INTS6: variants seen among roughly 807,000 people sequenced by gnomAD.
The protein encoded by INTS6 is DEAD box protein.
In INTS6, 16 loss-of-function variants were observed where a neutral mutation model predicts 104.9. The ratio of observed to expected loss-of-function variants is 0.15; its 90% CI spans 0.10 to 0.23. The LOEUF is 0.23. INTS6 is among the 10% of genes least tolerant of loss of function. The pLI is 1.00. For synonymous variants in INTS6, 324 were observed against 358.7 expected (o/e 0.90, Z 1.09); for missense variants, 584 against 1,062.8 (o/e 0.55, Z 6.26).
At chr13:51,370,881 T>C (rs1955790134) in intron 15 of INTS6, among the ~76,000 whole-genome samples, 1 of 152,128 alleles carries the variant, frequency 6.6e-6, no homozygotes, top group Non-Finnish European at 1.5e-5. Flanking sequence ...GAATGGATCT[T>C]TGGGTTAGCC....
intron 4 of INTS6, among the ~76,000 whole-genome samples, chr13:51,411,007 T>A (rs2138031725): frequency 6.6e-6 from 1 of 151,574 alleles, no homozygotes; most frequent in African/African-American, 2.4e-5. Context: ...AGGTCAGGAG[T>A]TTGAGACCAG....
chr13:51,345,859 A>G, the INTS6 span, among the ~76,000 whole-genome samples: 1 of 152,196 alleles, frequency 6.6e-6, no homozygotes, highest in Admixed American at 6.5e-5. Flanking sequence ...TCCTCTAAGA[A>G]AAAGGGGCAG....
chr13:51,404,103 C>CACACACAG (rs1491389220), intron 4 of INTS6, among the ~76,000 whole-genome samples: 3,952 of 103,548 alleles, frequency 0.038, 96 homozygotes, highest in African/African-American at 0.065. Flanking sequence ...CACACACACA[C>CACACACAG]AGAGAGAGAG....
intron 4 of INTS6, among the ~76,000 whole-genome samples, chr13:51,430,016 T>C (rs1957063102): frequency 6.6e-6 from 1 of 151,854 alleles, no homozygotes; most frequent in South Asian, 2.1e-4. Flanking sequence ...GGAATTCATT[T>C]TACTATTTAT....
chr13:51,347,057 C>T, the INTS6 span: 1 of 1,594,770 alleles, frequency 6.3e-7, no homozygotes, highest in Non-Finnish European at 8.5e-7. Flanking sequence ...TGGTGGCTGG[C>T]CGTGGGAGCA....
In INTS6 at chr13:51,374,226, G is replaced by T. The variant is rs918915907; in HGVS notation, c.2086C>A (p.Pro696Thr). The T allele has an allele frequency of 6.2e-7, 1 of 1,613,236 alleles. No homozygotes were observed. Among genetic ancestry groups the T allele is most frequent in the Non-Finnish European group, 8.5e-7 (1 of 1,179,348 alleles). The change falls in exon 15 of 18, where the codon CCT becomes ACT. Residue 696 changes from proline to threonine, a missense_variant. By Grantham distance (38) the Pro-to-Thr change is conservative. Transcript: ENST00000311234. ...TTCTTACTTTTATGAAGAGGAAGAG[G>T]TTTAATAAGATCTGGCTGTGCTTGA... ...TTQAQPDLIK[P>T]LPLHKISETT...
downstream of INTS6, among the ~76,000 whole-genome samples, chr13:51,351,023 C>T (rs1252514845): frequency 6.6e-6 from 1 of 152,036 alleles, no homozygotes; most frequent in African/African-American, 2.4e-5. Flanking sequence ...TGATATAGTA[C>T]ATTTTGTTTA....
chr13:51,383,159 A>G (rs1356149722), intron 9 of INTS6, among the ~76,000 whole-genome samples, 170 bp downstream of exon 9: 1 of 148,618 alleles, frequency 6.7e-6, no homozygotes, highest in South Asian at 2.2e-4. Flanking sequence ...TCATCTTTTA[A>G]TTTACTGTAA....
chr13:51,393,982 T>A lies in INTS6; in HGVS notation c.613+1318A>T, dbSNP rs374193931. 8.5e-5 allele frequency among the ~76,000 whole-genome samples: 13 copies of A among 152,078 alleles called. No homozygotes were observed. In the South Asian group the frequency reaches 2.7e-3, roughly 32 times the overall value. On this transcript the variant is annotated intron_variant, in intron 5 of 17. Transcript: ENST00000311234. Reference sequence around the variant, plus strand: ...AGGAATTTCCAATGTGAGAATGTTATAGCCTCCAAGCCTTTCAGAACCTGT... The same window carrying A: ...AGGAATTTCCAATGTGAGAATGTTAAAGCCTCCAAGCCTTTCAGAACCTGT...
intron 4 of INTS6, among the ~76,000 whole-genome samples, chr13:51,412,361 T>C (rs1956704056): frequency 6.6e-6 from 1 of 152,194 alleles, no homozygotes; most frequent in African/African-American, 2.4e-5. Flanking sequence ...GTGAGTGTCA[T>C]GTATTTAGTA....
At chr13:51,441,608 T>C (rs552321600) in intron 3 of INTS6, 4 of 152,152 alleles carry the variant, frequency 2.6e-5, no homozygotes, top group Non-Finnish European at 5.9e-5. Context: ...GTAACCCTAA[T>C]ACTGGTTGGC....
At chr13:51,414,596 G>A (rs1478436366) in intron 4 of INTS6, among the ~76,000 whole-genome samples, 1 of 151,900 alleles carries the variant, frequency 6.6e-6, no homozygotes, top group Admixed American at 6.6e-5. Context: ...AGATTTGCTT[G>A]GATAATGTAG....
the INTS6 span, among the ~76,000 whole-genome samples, chr13:51,337,126 C>T: frequency 0.016 from 2,369 of 152,350 alleles, 27 homozygotes; most frequent in Non-Finnish European, 0.026. Context: ...TAACAGTGCC[C>T]ATGTCTTCCT....
At chr13:51,403,629 T>G (rs1956490715) in intron 4 of INTS6, among the ~76,000 whole-genome samples, 1 of 121,812 alleles carries the variant, frequency 8.2e-6, no homozygotes, top group African/African-American at 3.1e-5. Flanking sequence ...GAAAAAGATT[T>G]CCCCTTTCTT....
Position 51,364,384 on chromosome 13 carries a change from G to T in INTS6, c.*1368C>A. 1.6e-6 allele frequency: 1 copy of T among 627,746 alleles called. No homozygotes were observed. The highest frequency in any genetic ancestry group is 2.6e-6 in the Non-Finnish European group (1 of 379,412). The allele number at this position is 627,746 out of a possible 1,614,324, so 38.9% of individuals were successfully genotyped here. A position where few individuals can be genotyped will look rare whatever the true frequency, so the allele number is the denominator to read the frequency against. ...AAAAATGTCTGATAAAGTGTAAAAA[G>T]CTAAGGGTATGTGATTTTCAATATT... On this transcript the variant is annotated 3_prime_UTR_variant, in exon 18 of 18. Coordinates refer to ENST00000311234, the MANE Select transcript of INTS6 (RefSeq NM_012141.3).
downstream of INTS6, among the ~76,000 whole-genome samples, chr13:51,349,220 A>G (rs555619962): frequency 1.1e-4 from 16 of 152,348 alleles, no homozygotes; most frequent in African/African-American, 3.8e-4. Flanking sequence ...GGCTTCCAGT[A>G]GGCAAAGGCA....
chr13:51,341,504 C>T, the INTS6 span, among the ~76,000 whole-genome samples: 26 of 152,330 alleles, frequency 1.7e-4, no homozygotes, highest in South Asian at 4.8e-3. Context: ...GCTGCTCAGG[C>T]TACCTGGGAG....
intron 11 of INTS6, among the ~76,000 whole-genome samples, chr13:51,378,685 C>G (rs748218521): frequency 4.6e-5 from 7 of 151,950 alleles, no homozygotes; most frequent in Non-Finnish European, 1.0e-4. Context: ...AGGACAAACA[C>G]AATTTCAATT....
At chr13:51,347,963 C>CT in the INTS6 span, among the ~76,000 whole-genome samples, 1 of 152,090 alleles carries the variant, frequency 6.6e-6, no homozygotes, top group Non-Finnish European at 1.5e-5. Flanking sequence ...TCGTCCCCCC[C>CT]CCCATACCCA....
Sources: gnomAD v4.1 joint callset for allele counts (sites outside exome capture counted in the v4.1 genomes callset) on GRCh38, gnomAD v4.1.1 for gene constraint, MANE v1.5 for transcripts, NCBI Gene and HGNC (gene_info 2026-07-23, HGNC 2026-07-21) for gene names.